Variants in ACAD11 observed in about 807,000 individuals in gnomAD.
ACAD11 encodes acyl-Coenzyme A dehydrogenase family, member 11.
Under a neutral mutation model 102.2 loss-of-function variants are expected in ACAD11, and 83 were observed. That is an observed-to-expected ratio of 0.81 (90% CI 0.68 to 0.97). ACAD11 has a LOEUF of 0.97. ACAD11 is among the 50% of genes least tolerant of loss of function. The pLI, the probability that ACAD11 is intolerant of heterozygous loss-of-function variation, is 0.00. For missense variants in ACAD11, 901 were observed against 951.7 expected, an observed-to-expected ratio of 0.95 and a Z score of 0.70; for synonymous variants, 324 against 319.8, an observed-to-expected ratio of 1.01 and a Z score of -0.14.
intron 1 of ACAD11, among the ~76,000 whole-genome samples, chr3:132,659,149 T>C (rs1002108712): frequency 2.6e-5 from 4 of 152,164 alleles, no homozygotes; most frequent in Non-Finnish European, 5.9e-5. Context: ...TGCTGTGACC[T>C]CCTAAGTGGA....
chr3:132,578,887 C>G lies in ACAD11; in HGVS notation c.1689-6G>C. Reference sequence around the variant, plus strand: ...TCATGCTGTGCTGTTTGTGTCTAGTCAAAAGAAAAATTGTATTAGAAAAAG... The same window carrying G: ...TCATGCTGTGCTGTTTGTGTCTAGTGAAAAGAAAAATTGTATTAGAAAAAG... On this transcript the variant is annotated splice_polypyrimidine_tract_variant and splice_region_variant and intron_variant, in intron 14 of 19. Coordinates refer to ENST00000264990, the MANE Select transcript of ACAD11 (RefSeq NM_032169.5). The G allele has an allele frequency of 6.2e-7, 1 of 1,610,688 alleles. No individual in the cohort carries two copies. Among genetic ancestry groups the G allele is most frequent in the Non-Finnish European group, 8.5e-7 (1 of 1,178,102 alleles).
Position 132,659,637 on chromosome 3 carries a change from C to T in ACAD11, c.115G>A (p.Glu39Lys). ...LNQHLSGFGAEREATLTIAQY... is the reference protein window; with the variant it reads ...LNQHLSGFGAKREATLTIAQY... The stretch of plus-strand genomic sequence containing the variant: ...GCAATGGTCAGCGTAGCCTCACGTT[C>T]GGCCCCAAAGCCAGACAAGTGCTGG... Residue 39 changes from glutamate (E) to lysine (K), a missense_variant, in exon 1 of 20, where the codon GAA becomes AAA. Coordinates refer to ENST00000264990, the MANE Select transcript of ACAD11 (RefSeq NM_032169.5). 1 of 1,610,570 alleles carries T rather than the reference C, an allele frequency of 6.2e-7. No individual in the cohort carries two copies. Among genetic ancestry groups the T allele is most frequent in the Non-Finnish European group, 8.5e-7 (1 of 1,178,474 alleles).
At chr3:132,595,468 T>C (rs1938260409) in intron 13 of ACAD11, among the ~76,000 whole-genome samples, 1 of 152,242 alleles carries the variant, frequency 6.6e-6, no homozygotes, top group Admixed American at 6.5e-5. Context: ...CTAATTAAAC[T>C]GAAGAGCTTC....
chr3:132,566,294 C>A (rs1937207455), intron 17 of ACAD11, among the ~76,000 whole-genome samples: 4 of 75,610 alleles, frequency 5.3e-5, no homozygotes, highest in Non-Finnish European at 4.5e-5. Flanking sequence ...AGAAAACAAA[C>A]TCAAAAAAAC....
Position 132,559,832 on chromosome 3 carries a change from CAT to C in ACAD11, c.2227_2228del (p.Met743ValfsTer14), listed in dbSNP as rs1443938821. The part of the protein sequence containing the change: ...GVSQDYPLAN[M>X]YAITRVLRLA... The stretch of plus-strand genomic sequence containing the variant: ...ATGATTCTTAAATGACATCTACTCA[CAT>C]GTTAGCCAGAGGGTAATCCTGGGAA... On this transcript the variant is annotated frameshift_variant and splice_region_variant, in exon 19 of 20. Coordinates refer to ENST00000264990, the MANE Select transcript of ACAD11 (RefSeq NM_032169.5). LOFTEE classifies it high-confidence loss of function. The C allele has an allele frequency of 1.2e-6, 2 of 1,611,024 alleles. No individual in the cohort carries two copies. Among genetic ancestry groups the C allele is most frequent in the Non-Finnish European group, 1.7e-6 (2 of 1,177,904 alleles).
intron 1 of ACAD11, among the ~76,000 whole-genome samples, chr3:132,652,711 C>T (rs1052416521): frequency 2.0e-5 from 3 of 151,938 alleles, no homozygotes; most frequent in African/African-American, 7.3e-5. Flanking sequence ...GTTTGGGGAA[C>T]TAATAAGAAA....
At chr3:132,566,858 A>G (rs921318270) in intron 17 of ACAD11, among the ~76,000 whole-genome samples, 26 of 152,236 alleles carry the variant, frequency 1.7e-4, no homozygotes, top group Non-Finnish European at 3.2e-4. Flanking sequence ...GCAAAAATAC[A>G]GCTAATAAAA....
At position 132,630,439 on chromosome 3, in the gene ACAD11, G is replaced by A; in HGVS notation, c.961C>T (p.Gln321Ter). 2 of 1,612,870 alleles carry A rather than the reference G, an allele frequency of 1.2e-6. No individual in the cohort carries two copies. The highest frequency in any genetic ancestry group is 1.7e-6 in the Non-Finnish European group (2 of 1,179,532). The change falls in exon 7 of 20, where the codon CAG (glutamine) becomes TAG (stop). Residue 321 changes from glutamine (Q) to a stop codon, truncating the protein, a stop_gained and splice_region_variant. Coordinates refer to ENST00000264990, the MANE Select transcript of ACAD11 (RefSeq NM_032169.5). LOFTEE classifies it high-confidence loss of function. Reference protein sequence around the residue: ...LSYFKMAGIAQGVYSRYLLGN... With the variant: ...LSYFKMAGIA Reference sequence around the variant, plus strand: ...ACACGTTTAAAACAATTAATTACCTGTGCTATTCCAGCCATCTTAAAATAT... The same window carrying A: ...ACACGTTTAAAACAATTAATTACCTATGCTATTCCAGCCATCTTAAAATAT...
intron 1 of ACAD11, chr3:132,650,023 G>A (rs1418221625): frequency 6.6e-6 from 1 of 152,218 alleles, no homozygotes; most frequent in Non-Finnish European, 1.5e-5. Flanking sequence ...TGGAAACACT[G>A]AGTATTTGGT....
chr3:132,639,963 C>T (rs1025925986), intron 4 of ACAD11, among the ~76,000 whole-genome samples: 1 of 151,352 alleles, frequency 6.6e-6, no homozygotes, highest in South Asian at 2.1e-4. Flanking sequence ...AAAAAGAATG[C>T]ATACAAACAC....
At chr3:132,571,125 T>C (rs1407016413) in intron 17 of ACAD11, among the ~76,000 whole-genome samples, 1 of 152,182 alleles carries the variant, frequency 6.6e-6, no homozygotes, top group African/African-American at 2.4e-5. Context: ...CAACAGTGTA[T>C]AAGCCTTCCT....
chr3:132,615,671 T>A (rs149309436), intron 11 of ACAD11, among the ~76,000 whole-genome samples: 1 of 152,276 alleles, frequency 6.6e-6, no homozygotes, highest in Non-Finnish European at 1.5e-5. Context: ...TATCAGCGCC[T>A]GTCGCAAGGT....
intron 9 of ACAD11, among the ~76,000 whole-genome samples, chr3:132,623,129 A>G (rs1391975161): frequency 6.6e-6 from 1 of 152,202 alleles, no homozygotes; most frequent in Non-Finnish European, 1.5e-5. Flanking sequence ...CTCACTTTAT[A>G]ATATTCAAGG....
At chr3:132,636,785 C>T (rs909928434) in intron 5 of ACAD11, among the ~76,000 whole-genome samples, 15 of 151,834 alleles carry the variant, frequency 9.9e-5, no homozygotes, top group Non-Finnish European at 1.2e-4. Context: ...GTGTAGCGGA[C>T]GAAAATGTCT....
chr3:132,619,664 T>C (rs919881129), intron 9 of ACAD11, 119 bp from the exon 10 acceptor site: 1 of 536,466 alleles, frequency 1.9e-6, no homozygotes, highest in Non-Finnish European at 3.2e-6. Flanking sequence ...TCAGCTATTA[T>C]TAAACCAGAC....
chr3:132,641,361 G>T (rs545170812), intron 4 of ACAD11, among the ~76,000 whole-genome samples: 3 of 152,140 alleles, frequency 2.0e-5, no homozygotes, highest in African/African-American at 7.2e-5. Context: ...GGCTAACACG[G>T]TGAAACCCCA....
chr3:132,568,657 G>C (rs955142721), intron 17 of ACAD11, among the ~76,000 whole-genome samples: 1 of 152,094 alleles, frequency 6.6e-6, no homozygotes, highest in African/African-American at 2.4e-5. Context: ...CTGACGCATA[G>C]ATAATTAAGA....
intron 7 of ACAD11, among the ~76,000 whole-genome samples, chr3:132,629,143 A>C (rs1939935751): frequency 6.6e-6 from 1 of 152,254 alleles, no homozygotes; most frequent in South Asian, 2.1e-4. Flanking sequence ...CTACATGTAC[A>C]GTATATATAG....
chr3:132,587,406 C>G (rs1434768899), intron 13 of ACAD11, among the ~76,000 whole-genome samples: 2 of 151,958 alleles, frequency 1.3e-5, no homozygotes, highest in Non-Finnish European at 2.9e-5. Flanking sequence ...GTTATTAAGC[C>G]CAGTCAGTGA....
Sources: allele counts gnomAD v4.1 joint callset (sites outside exome capture counted in the v4.1 genomes callset), GRCh38; gene constraint gnomAD v4.1.1; transcripts MANE v1.5; gene names NCBI Gene and HGNC (gene_info 2026-07-23, HGNC 2026-07-21).